DLGAP4: variants seen among roughly 807,000 people sequenced by gnomAD.
DLGAP4 encodes DLG associated protein 4.
DLGAP4 carries 18 observed loss-of-function variants against 86.9 expected under a neutral mutation model. The ratio of observed to expected loss-of-function variants is 0.21; its 90% CI spans 0.14 to 0.31. The LOEUF (loss-of-function observed/expected upper bound fraction) is 0.31, where lower values mean the gene tolerates loss of function less well. Ranked by LOEUF, DLGAP4 falls within the 10% of genes least tolerant of loss-of-function variation. The pLI, the probability that DLGAP4 is intolerant of heterozygous loss-of-function variation, is 1.00. For missense variants in DLGAP4, 1,085 were observed against 1,362.6 expected, an observed-to-expected ratio of 0.80 and a Z score of 3.21; for synonymous variants, 548 against 574.3, an observed-to-expected ratio of 0.95 and a Z score of 0.65.
At chr20:36,390,580 G>A (rs1220689117) in intron 2 of DLGAP4, among the ~76,000 whole-genome samples, 1 of 152,118 alleles carries the variant, frequency 6.6e-6, no homozygotes, top group African/African-American at 2.4e-5. Flanking sequence ...GGGGGGGCAT[G>A]CCTCCACTGT....
At chr20:36,434,272 C>T (rs527998185) in intron 3 of DLGAP4, among the ~76,000 whole-genome samples, 4 of 152,214 alleles carry the variant, frequency 2.6e-5, no homozygotes, top group Non-Finnish European at 4.4e-5. Context: ...AGATGATCTT[C>T]GGGGTCTAAC....
At chr20:36,481,111 G>A (rs985486264) in intron 7 of DLGAP4, among the ~76,000 whole-genome samples, 9 of 152,192 alleles carry the variant, frequency 5.9e-5, no homozygotes, top group Non-Finnish European at 1.2e-4. Context: ...GGCCCGGTAG[G>A]AATCTTAAAA....
At position 36,387,012 on chromosome 20, in the gene DLGAP4, G is replaced by A. The variant is rs1381841656; in HGVS notation, c.-73+19737G>A. 3.3e-5 allele frequency among the ~76,000 whole-genome samples: 5 copies of A among 152,250 alleles called. No homozygotes were observed. The East Asian group carries it at 7.7e-4, about 23-fold the overall frequency. On this transcript the variant is annotated intron_variant, in intron 2 of 12. Coordinates refer to ENST00000339266, the MANE Select transcript of DLGAP4 (RefSeq NM_001365621.2). ...CATCCTCCTGCCGGTGGATATTTCA[G>A]TGGTTCTGGTTCTCCACCATGAAGA...
At chr20:36,429,858 C>T (rs2033081994) in intron 2 of DLGAP4, among the ~76,000 whole-genome samples, 1 of 152,210 alleles carries the variant, frequency 6.6e-6, no homozygotes, top group Admixed American at 6.5e-5. Flanking sequence ...ATTTGGGGGC[C>T]ATTATTCTGC....
intron 1 of DLGAP4, among the ~76,000 whole-genome samples, chr20:36,343,303 A>T (rs183353460): frequency 1.3e-5 from 2 of 152,288 alleles, no homozygotes; most frequent in African/African-American, 4.8e-5. Context: ...CAAGCCTGGG[A>T]GCTAGAATTT....
intron 2 of DLGAP4, among the ~76,000 whole-genome samples, chr20:36,391,147 C>A (rs2031769943): frequency 6.6e-6 from 1 of 152,136 alleles, no homozygotes; most frequent in South Asian, 2.1e-4. Context: ...CCTGAGGGTT[C>A]TATCTCAGAG....
chr20:36,397,263 G>C (rs550284748), intron 2 of DLGAP4, among the ~76,000 whole-genome samples: 8 of 152,286 alleles, frequency 5.3e-5, no homozygotes, highest in African/African-American at 1.4e-4. Flanking sequence ...ATTTAGACTT[G>C]GGTGAGTCCT....
chr20:36,346,926 C>T (rs551671030), intron 1 of DLGAP4, among the ~76,000 whole-genome samples: 2 of 152,240 alleles, frequency 1.3e-5, no homozygotes, highest in South Asian at 2.1e-4. Flanking sequence ...GTACCTCGGC[C>T]CAAGACAGAG....
chr20:36,496,569 G>A, intron 7 of DLGAP4, 136 bp from the exon 8 acceptor site: 1 of 1,393,942 alleles, frequency 7.2e-7, no homozygotes, highest in Non-Finnish European at 9.5e-7. Context: ...CCCTGCTCCA[G>A]AAATCCTTGC....
chr20:36,369,026 G>A (rs569603828), intron 2 of DLGAP4, among the ~76,000 whole-genome samples: 7 of 152,336 alleles, frequency 4.6e-5, no homozygotes, highest in African/African-American at 1.2e-4. Context: ...GCCCAGTGAC[G>A]GAGAACGGGA....
At chr20:36,376,203 T>C (rs62213226) in intron 2 of DLGAP4, among the ~76,000 whole-genome samples, 99,217 of 151,710 alleles carry the variant, frequency 0.65, 32,544 homozygotes, top group South Asian at 0.82. Flanking sequence ...TAAGGCCAGG[T>C]GTGGTGGCTC....
At chr20:36,410,459 A>G (rs2032467225) in intron 2 of DLGAP4, among the ~76,000 whole-genome samples, 1 of 152,204 alleles carries the variant, frequency 6.6e-6, no homozygotes, top group African/African-American at 2.4e-5. Flanking sequence ...CCAATTTTGC[A>G]TCACTATAAA....
At chr20:36,317,223 T>TTTC (rs2065109374) in intron 1 of DLGAP4, among the ~76,000 whole-genome samples, 53 of 93,768 alleles carry the variant, frequency 5.7e-4, no homozygotes, top group African/African-American at 2.1e-3. Flanking sequence ...TCCTCTCCTT[T>TTTC]TTTCTTTCTT....
chr20:36,477,978 T>C (rs929245661), intron 7 of DLGAP4, among the ~76,000 whole-genome samples: 5 of 152,214 alleles, frequency 3.3e-5, no homozygotes, highest in African/African-American at 1.2e-4. Context: ...GACAGTAGAC[T>C]TGAAATAGAT....
At chr20:36,475,969 C>T (rs796609243) in intron 7 of DLGAP4, among the ~76,000 whole-genome samples, 16 of 152,046 alleles carry the variant, frequency 1.1e-4, no homozygotes, top group East Asian at 3.9e-4. Context: ...AAGCAATTCT[C>T]GTGCCTCAGC....
intron 10 of DLGAP4, among the ~76,000 whole-genome samples, chr20:36,505,683 C>G (rs960418232): frequency 6.6e-6 from 1 of 151,960 alleles, no homozygotes; most frequent in Non-Finnish European, 1.5e-5. Context: ...GGCTGACAAG[C>G]GGGGAGGATC....
At chr20:36,338,225 G>C (rs782418906) in intron 1 of DLGAP4, among the ~76,000 whole-genome samples, 6 of 152,164 alleles carry the variant, frequency 3.9e-5, no homozygotes, top group Non-Finnish European at 7.4e-5. Context: ...CGAGTGCAAG[G>C]GGGGAGGCAG....
At chr20:36,497,350 CT>C in intron 8 of DLGAP4, 1 of 1,284,992 alleles carries the variant, frequency 7.8e-7, no homozygotes, top group Middle Eastern at 3.0e-4. Flanking sequence ...CTCCTGTCCA[CT>C]GTTTGCCTGT....
intron 2 of DLGAP4, among the ~76,000 whole-genome samples, chr20:36,378,925 C>T (rs572158977): frequency 6.6e-5 from 10 of 152,108 alleles, no homozygotes; most frequent in South Asian, 2.1e-4. Context: ...TACCGGGCCT[C>T]GTGCCAGGGA....
Sources: gnomAD v4.1 joint callset for allele counts (sites outside exome capture counted in the v4.1 genomes callset) on GRCh38, gnomAD v4.1.1 for gene constraint, MANE v1.5 for transcripts, NCBI Gene and HGNC (gene_info 2026-07-23, HGNC 2026-07-21) for gene names.